MON2: variants seen among roughly 807,000 people sequenced by gnomAD.
MON2 encodes the protein MON2 regulator of endosome-to-Golgi trafficking, also known as protein MON2 homolog.
Under a neutral mutation model 208.6 loss-of-function variants are expected in MON2, and 84 were observed. That is an observed-to-expected ratio of 0.40 (90% CI 0.34 to 0.48). MON2 has a LOEUF of 0.48. Ranked by LOEUF, MON2 falls within the 20% of genes least tolerant of loss-of-function variation. The pLI is 0.59. For synonymous variants in MON2, 660 were observed against 694.0 expected (o/e 0.95, Z 0.77); for missense variants, 1,611 against 2,015.4 (o/e 0.80, Z 3.84).
At chr12:62,486,956 A>G (rs2069834742) in intron 2 of MON2, among the ~76,000 whole-genome samples, 1 of 152,096 alleles carries the variant, frequency 6.6e-6, no homozygotes, top group Non-Finnish European at 1.5e-5. Flanking sequence ...ATTTCTAGTC[A>G]ACTTTAGTTT....
Position 62,485,024 on chromosome 12 carries a change from A to G in MON2, c.175+791A>G, listed in dbSNP as rs528491749. The G allele has an allele frequency of 1.5e-3, 229 of 151,486 alleles. 5 individuals are homozygous for G. Among genetic ancestry groups the G allele is most frequent in the African/African-American group, 5.3e-3 (219 of 41,262 alleles). 9.4% of individuals were successfully genotyped at this position (151,486 alleles called of 1,614,324 possible). On this transcript the variant is annotated intron_variant, in intron 2 of 34. Transcript: ENST00000393630. ...TATTATCTTATTTGATAGTAGAGCT[A>G]ATTGAGATGTGAAGAGGTTAAGTTA... is the stretch of plus-strand genomic sequence containing the variant.
chr12:62,487,152 C>T (rs1210737527), intron 2 of MON2, among the ~76,000 whole-genome samples: 1 of 151,978 alleles, frequency 6.6e-6, no homozygotes, highest in African/African-American at 2.4e-5. Flanking sequence ...ATGTACAGAT[C>T]ATTATTTCAA....
chr12:62,472,836 G>T (rs1165462128), intron 1 of MON2, among the ~76,000 whole-genome samples: 1 of 152,108 alleles, frequency 6.6e-6, no homozygotes, highest in Non-Finnish European at 1.5e-5. Context: ...TTGACATTGT[G>T]TTCTTTCTCC....
chr12:62,487,141 G>GA (rs1474317160), intron 2 of MON2, among the ~76,000 whole-genome samples: 1 of 152,054 alleles, frequency 6.6e-6, no homozygotes, highest in Non-Finnish European at 1.5e-5. Context: ...CATTGATTCA[G>GA]ATGTACAGAT....
At chr12:62,580,648 C>T (rs1287761651) in intron 32 of MON2, among the ~76,000 whole-genome samples, 2 of 152,082 alleles carry the variant, frequency 1.3e-5, no homozygotes, top group Non-Finnish European at 2.9e-5. Context: ...TACTGTGTTT[C>T]TGATCATATA....
rs2075542787 is a variant in MON2 at position 62,597,146 on chromosome 12, A to C, written c.*4397A>C. The C allele has an allele frequency of 6.6e-6, 1 of 152,128 alleles. No homozygotes were observed. Among genetic ancestry groups the C allele is most frequent in the Non-Finnish European group, 1.5e-5 (1 of 68,016 alleles). The allele number at this position is 152,128 out of a possible 1,614,324, so 9.4% of individuals were successfully genotyped here. On this transcript the variant is annotated 3_prime_UTR_variant, in exon 35 of 35. Transcript: ENST00000393630. ...ACAGGGTAATTCAAGTTGTTTGATA[A>C]ATTTATTACTATATTGTAAGAGAGA... is the stretch of plus-strand genomic sequence containing the variant.
intron 12 of MON2, among the ~76,000 whole-genome samples, chr12:62,534,542 A>AATATATATATATATATATATATATAT (rs71882879): frequency 4.4e-5 from 1 of 22,848 alleles, no homozygotes. Flanking sequence ...AAAAAAAAAA[A>AATATATATATATATATATATATATAT]ATATATATAT....
At position 62,467,134 on chromosome 12, in the gene MON2, C is replaced by T. The variant is rs143636182; in HGVS notation, c.-74C>T. The T allele has an allele frequency of 1.6e-6, 2 of 1,246,266 alleles. No homozygotes were observed. The highest frequency in any genetic ancestry group is 1.5e-5 in the African/African-American group (1 of 67,684). 77.2% of individuals were successfully genotyped at this position (1,246,266 alleles called of 1,614,324 possible). A position where few individuals can be genotyped will look rare whatever the true frequency, so the allele number is the denominator to read the frequency against. Reference sequence around the variant, plus strand: ...ACCAGAGACACCGGGAGGGAGCTGCCTGTGGCCCTAAGGAGCTGACCGTGC... The same window carrying T: ...ACCAGAGACACCGGGAGGGAGCTGCTTGTGGCCCTAAGGAGCTGACCGTGC... On this transcript the variant is annotated 5_prime_UTR_variant, in exon 1 of 35. Transcript: ENST00000393630.
At chr12:62,468,771 A>G (rs2068637466) in intron 1 of MON2, among the ~76,000 whole-genome samples, 1 of 152,224 alleles carries the variant, frequency 6.6e-6, no homozygotes, top group African/African-American at 2.4e-5. Context: ...TAAAGAATTA[A>G]GTTGTTTTAA....
chr12:62,480,897 A>G (rs1323150838), intron 1 of MON2, among the ~76,000 whole-genome samples: 1 of 152,204 alleles, frequency 6.6e-6, no homozygotes, highest in Non-Finnish European at 1.5e-5. Context: ...CCATAGTGAG[A>G]AAGGGGAGAA....
At chr12:62,578,622 G>A (rs942979067) in intron 31 of MON2, 117 bp downstream of exon 31, 11 of 628,636 alleles carry the variant, frequency 1.7e-5, no homozygotes, top group Middle Eastern at 4.5e-4. Context: ...AAAACTGAAA[G>A]CATTAAAACT....
intron 7 of MON2, among the ~76,000 whole-genome samples, chr12:62,502,297 A>G (rs1390690804): frequency 6.6e-6 from 1 of 151,938 alleles, no homozygotes; most frequent in Non-Finnish European, 1.5e-5. Flanking sequence ...GCTGTTCAGG[A>G]GACTGAGGCA....
intron 22 of MON2, among the ~76,000 whole-genome samples, chr12:62,549,383 G>T (rs1214736676): frequency 6.6e-6 from 1 of 151,434 alleles, no homozygotes; most frequent in East Asian, 1.9e-4. Context: ...ACTTTGGGAG[G>T]CTAAGGCAGG....
intron 2 of MON2, among the ~76,000 whole-genome samples, chr12:62,488,499 T>G (rs904486027): frequency 1.3e-5 from 2 of 152,136 alleles, no homozygotes; most frequent in East Asian, 3.8e-4. Context: ...GGCCATTATG[T>G]GATATCCTGA....
At chr12:62,496,079 A>G (rs547257892) in intron 4 of MON2, among the ~76,000 whole-genome samples, 1 of 152,318 alleles carries the variant, frequency 6.6e-6, no homozygotes, top group Admixed American at 6.5e-5. Context: ...CATGGCTTAT[A>G]AAGAAGTACA....
chr12:62,511,163 G>A (rs950261296), intron 8 of MON2, among the ~76,000 whole-genome samples: 1 of 152,152 alleles, frequency 6.6e-6, no homozygotes, highest in African/African-American at 2.4e-5. Flanking sequence ...ACTTAAAATT[G>A]TTAAAATGTC....
chr12:62,537,490 T>C, intron 15 of MON2, 112 bp from the exon 16 acceptor site: 1 of 821,376 alleles, frequency 1.2e-6, no homozygotes, highest in Non-Finnish European at 1.8e-6. Context: ...CCAAATCTTT[T>C]TCTTAATTTT....
At chr12:62,487,471 A>T (rs1372812292) in intron 2 of MON2, among the ~76,000 whole-genome samples, 1 of 152,056 alleles carries the variant, frequency 6.6e-6, no homozygotes, top group Non-Finnish European at 1.5e-5. Flanking sequence ...GGCTGCTTTC[A>T]GCTGCTGTCA....
chr12:62,533,956 T>C (rs1204426133), intron 12 of MON2, among the ~76,000 whole-genome samples: 1 of 152,208 alleles, frequency 6.6e-6, no homozygotes, highest in Non-Finnish European at 1.5e-5. Flanking sequence ...CACATTTTGC[T>C]CAGTGTATTT....
Sources: allele counts gnomAD v4.1 joint callset (sites outside exome capture counted in the v4.1 genomes callset), GRCh38; gene constraint gnomAD v4.1.1; transcripts MANE v1.5; gene names NCBI Gene and HGNC (gene_info 2026-07-23, HGNC 2026-07-21).